The following CUX2 variants were observed in gnomAD, a reference collection of about 807,000 sequenced individuals.
The protein encoded by CUX2 is cut like homeobox 2.
Under a neutral mutation model 144.8 loss-of-function variants are expected in CUX2, and 40 were observed. That is an observed-to-expected ratio of 0.28 (90% confidence interval 0.21 to 0.36). The LOEUF is 0.36. Among genes scored for constraint, CUX2 ranks in the 10% least tolerant of loss-of-function variants. The pLI is 1.00. For missense variants in CUX2, 1,615 were observed against 1,994.0 expected (o/e 0.81, Z 3.62); for synonymous variants, 827 against 875.6 (o/e 0.94, Z 0.98).
intron 21 of CUX2, among the ~76,000 whole-genome samples, chr12:111,345,103 C>A (rs955978005): frequency 6.6e-6 from 1 of 151,088 alleles, no homozygotes; most frequent in African/African-American, 2.4e-5. Flanking sequence ...GTTTTTTGAT[C>A]CATTTTAAAG....
chr12:111,143,307 C>CT (rs1876453584), intron 1 of CUX2, among the ~76,000 whole-genome samples: 1 of 152,220 alleles, frequency 6.6e-6, no homozygotes, highest in South Asian at 2.1e-4. Flanking sequence ...GCTCCAAACT[C>CT]TAATTTCTGC....
intron 4 of CUX2, among the ~76,000 whole-genome samples, chr12:111,280,986 C>T (rs941311460): frequency 2.0e-5 from 3 of 152,176 alleles, no homozygotes; most frequent in Non-Finnish European, 4.4e-5. Flanking sequence ...CTGAGTGCTG[C>T]TCCCACTTCT....
intron 1 of CUX2, among the ~76,000 whole-genome samples, chr12:111,046,278 G>A (rs1045817928): frequency 5.9e-5 from 9 of 152,252 alleles, no homozygotes; most frequent in East Asian, 1.9e-4. Context: ...GACAGCTTGC[G>A]GAGAGACCAG....
chr12:111,161,113 C>T (rs1435432674), intron 1 of CUX2, among the ~76,000 whole-genome samples: 1 of 152,120 alleles, frequency 6.6e-6, no homozygotes, highest in African/African-American at 2.4e-5. Flanking sequence ...GCTCAAAGGG[C>T]CAGCCCTTGC....
intron 4 of CUX2, among the ~76,000 whole-genome samples, chr12:111,279,734 A>C (rs1885030316): frequency 6.6e-6 from 1 of 152,246 alleles, no homozygotes; most frequent in South Asian, 2.1e-4. Flanking sequence ...CTGTAATCCC[A>C]GCACTTTGGA....
chr12:111,259,590 G>T (rs1037548859), intron 3 of CUX2, among the ~76,000 whole-genome samples: 1 of 152,086 alleles, frequency 6.6e-6, no homozygotes, highest in Non-Finnish European at 1.5e-5. Flanking sequence ...GTAGCTGGAC[G>T]CAGTGCCTCA....
chr12:111,290,889 G>A (rs1885640837), intron 4 of CUX2, among the ~76,000 whole-genome samples: 1 of 145,492 alleles, frequency 6.9e-6, no homozygotes, highest in Admixed American at 6.9e-5. Flanking sequence ...TTGAGATGGA[G>A]TCTTGCTCTA....
chr12:111,115,293 T>C (rs928139357), intron 1 of CUX2, among the ~76,000 whole-genome samples: 3 of 142,584 alleles, frequency 2.1e-5, no homozygotes, highest in African/African-American at 7.8e-5. Context: ...TTTTTTTTTT[T>C]TTTTTTTTTT....
At chr12:111,188,164 T>C (rs139341613) in intron 1 of CUX2, among the ~76,000 whole-genome samples, 17 of 152,320 alleles carry the variant, frequency 1.1e-4, no homozygotes, top group African/African-American at 3.8e-4. Flanking sequence ...CAGCAAGCAT[T>C]TATTGAGCAC....
At chr12:111,257,305 A>T (rs1210371853) in intron 3 of CUX2, among the ~76,000 whole-genome samples, 1 of 47,962 alleles carries the variant, frequency 2.1e-5, no homozygotes, top group Non-Finnish European at 3.9e-5. Context: ...TCTTCCTCCC[A>T]CTTCTTCCTC....
intron 4 of CUX2, among the ~76,000 whole-genome samples, chr12:111,282,255 G>C (rs1378757558): frequency 6.6e-6 from 1 of 150,494 alleles, no homozygotes; most frequent in Non-Finnish European, 1.5e-5. Flanking sequence ...CTGGGAGGCA[G>C]AGCTTGCAGT....
At chr12:111,220,584 T>G (rs894644690) in intron 3 of CUX2, among the ~76,000 whole-genome samples, 1 of 151,694 alleles carries the variant, frequency 6.6e-6, no homozygotes, top group African/African-American at 2.4e-5. Flanking sequence ...GAACTTCAGC[T>G]TTCCTCCTCT....
At chr12:111,305,282 T>C (rs757057676) in intron 10 of CUX2, among the ~76,000 whole-genome samples, 1 of 152,168 alleles carries the variant, frequency 6.6e-6, no homozygotes, top group Non-Finnish European at 1.5e-5. Context: ...ACAGGTCTGC[T>C]CCAGGGTGAC....
chr12:111,138,076 C>T (rs984601828), intron 1 of CUX2, among the ~76,000 whole-genome samples: 2 of 152,198 alleles, frequency 1.3e-5, no homozygotes, highest in African/African-American at 4.8e-5. Context: ...GCTGTAGGAA[C>T]CCCTACTCCC....
chr12:111,262,785 A>C (rs1318692358), intron 3 of CUX2, among the ~76,000 whole-genome samples: 1 of 152,220 alleles, frequency 6.6e-6, no homozygotes, highest in African/African-American at 2.4e-5. Flanking sequence ...TTGATATCTT[A>C]CGAGAGCTTT....
At chr12:111,048,170 T>C (rs912973033) in intron 1 of CUX2, among the ~76,000 whole-genome samples, 4 of 152,158 alleles carry the variant, frequency 2.6e-5, no homozygotes, top group Non-Finnish European at 4.4e-5. Flanking sequence ...AGTGGGAAGA[T>C]ACTGAGGGTC....
Position 111,240,031 on chromosome 12 carries a change from G to A in CUX2, c.222+22094G>A, listed in dbSNP as rs757799260. ...GAATTGGTTATAATATTAGCTGTGC[G>A]CCAGCTATGCAGACCGTATCCTTCA... On this transcript the variant is annotated intron_variant, in intron 3 of 21. Coordinates refer to ENST00000261726, the MANE Select transcript of CUX2 (RefSeq NM_015267.4). Among the ~76,000 whole-genome samples, 18 of 152,238 alleles carry A rather than the reference G, an allele frequency of 1.2e-4. No homozygotes were observed. In the East Asian group the frequency reaches 2.5e-3, roughly 21 times the overall value.
At chr12:111,296,110 G>A (rs928092378) in intron 7 of CUX2, among the ~76,000 whole-genome samples, 1 of 152,078 alleles carries the variant, frequency 6.6e-6, no homozygotes, top group African/African-American at 2.4e-5. Context: ...CCCTGCCCAG[G>A]TCCTGAAATG....
chr12:111,047,210 C>T (rs1281126985), intron 1 of CUX2, among the ~76,000 whole-genome samples: 1 of 152,188 alleles, frequency 6.6e-6, no homozygotes, highest in African/African-American at 2.4e-5. Context: ...TCGGCTGGGG[C>T]TGATAATAAG....
Sources: allele counts gnomAD v4.1 joint callset (sites outside exome capture counted in the v4.1 genomes callset), GRCh38; gene constraint gnomAD v4.1.1; transcripts MANE v1.5; gene names NCBI Gene and HGNC (gene_info 2026-07-23, HGNC 2026-07-21).